The following BGN variants were observed in gnomAD, a reference collection of about 807,000 sequenced individuals.
BGN encodes the protein bone/cartilage proteoglycan-I.
Under a neutral mutation model 20.0 loss-of-function variants are expected in BGN, and 6 were observed. The ratio of observed to expected loss-of-function variants is 0.30; its 90% confidence interval spans 0.16 to 0.59. The LOEUF (loss-of-function observed/expected upper bound fraction) is 0.59. BGN is among the 20% of genes least tolerant of loss of function. BGN has a pLI of 0.88. For synonymous variants in BGN, 146 were observed against 134.6 expected (o/e 1.08, Z -0.59); for missense variants, 292 against 312.1 (o/e 0.94, Z 0.49).
chrX:153,500,276 C>T (rs371298584), intron 1 of BGN, among the ~76,000 whole-genome samples: 9 of 113,051 alleles, frequency 8.0e-5, no homozygotes, highest in African/African-American at 2.9e-4. Context: ...CCTCCTCCCT[C>T]ACTCACACCT....
chrX:153,503,294 C>T (rs951500276), intron 1 of BGN, among the ~76,000 whole-genome samples: 4 of 112,304 alleles, frequency 3.6e-5, no homozygotes, highest in Non-Finnish European at 7.5e-5. Flanking sequence ...GCTTAGGGGG[C>T]TCACCTCGCT....
In BGN at chrX:153,508,508, G is replaced by C. The variant is rs1309295802; in HGVS notation, c.*63G>C. The C allele has an allele frequency of 1.1e-5, 13 of 1,136,543 alleles. No homozygotes were observed. The highest frequency in any genetic ancestry group is 1.4e-5 in the Non-Finnish European group (12 of 840,923). 93.7% of individuals were successfully genotyped at this position (1,136,543 alleles called of 1,213,427 possible). A position where few individuals can be genotyped will look rare whatever the true frequency, so the allele number is the denominator to read the frequency against. ...TCTGGGGAACACAGCCAGACATCCT[G>C]ATGGGGAGGCAGAGCCAGGAAGCTA... On this transcript the variant is annotated 3_prime_UTR_variant, in exon 8 of 8. Transcript: ENST00000331595.
At position 153,505,228 on chromosome X, in the gene BGN, G is replaced by T. The variant is rs2089790886; in HGVS notation, c.239-10G>T. ...CAAGTTCATGCTGGTGATGGGGGTG[G>T]GGCCCCTAGGTCTGAAGTCTGTGCC... On this transcript the variant is annotated splice_polypyrimidine_tract_variant and intron_variant, in intron 2 of 7. Transcript: ENST00000331595. 1 of 1,187,315 alleles carries T rather than the reference G, an allele frequency of 8.4e-7. No individual in the cohort carries two copies.
intron 1 of BGN, 122 bp downstream of exon 1, chrX:153,495,235 C>T (rs2089702614): frequency 9.0e-6 from 1 of 111,635 alleles, no homozygotes. Context: ...CAGATTTCCC[C>T]GGTGCTCTCT....
intron 3 of BGN, 57 bp downstream of exon 3, chrX:153,505,407 T>C (rs782738522): frequency 1.1e-5 from 11 of 998,691 alleles, no homozygotes; most frequent in African/African-American, 1.9e-5. Flanking sequence ...TCCGGGTGGG[T>C]GCATGTGCGT....
rs1556993003 is a variant in BGN, at chrX:153,505,927, A to T, written c.416A>T (p.Lys139Met). The T allele has an allele frequency of 3.3e-6, 4 of 1,211,822 alleles. No individual in the cohort carries two copies. Among genetic ancestry groups the T allele is most frequent in the Non-Finnish European group, 4.5e-6 (4 of 895,474 alleles). ...GAGAAGGCCTTCAGCCCACTGCGGA[A>T]GCTGCAGAAGCTCTACATCTCCAAG... ...IHEKAFSPLR[K>M]LQKLYISKNH... The change falls in exon 4 of 8, where the codon AAG (lysine) becomes ATG (methionine). Residue 139 changes from lysine to methionine, a missense_variant. By Grantham distance (95) the Lys-to-Met change is moderately conservative. Coordinates refer to ENST00000331595, the MANE Select transcript of BGN (RefSeq NM_001711.6).
intron 1 of BGN, among the ~76,000 whole-genome samples, chrX:153,502,571 G>A (rs2089768127): frequency 1.8e-5 from 2 of 113,008 alleles, no homozygotes; most frequent in South Asian, 7.2e-4. Context: ...ATCCAGGTAG[G>A]TGAGTGTTGA....
In BGN at chrX:153,504,790, C is replaced by A. The variant is rs200429195; in HGVS notation, c.159C>A (p.Asp53Glu). 2 of 1,211,769 alleles carry A rather than the reference C, an allele frequency of 1.7e-6. No individual in the cohort carries two copies. Among genetic ancestry groups the A allele is most frequent in the Non-Finnish European group, 2.2e-6 (2 of 895,600 alleles). The part of the protein sequence containing the change: ...GADTSGVLDP[D>E]SVTPTYSAMC... ...ACACCTCGGGCGTCCTGGACCCGGACTCTGTCACACCCACCTACAGCGCCA... is the reference window on the plus strand; with the variant it reads ...ACACCTCGGGCGTCCTGGACCCGGAATCTGTCACACCCACCTACAGCGCCA... The change falls in exon 2 of 8, where the codon GAC becomes GAA. Residue 53 changes from aspartate to glutamate, a missense_variant. Coordinates refer to ENST00000331595, the MANE Select transcript of BGN (RefSeq NM_001711.6).
intron 3 of BGN, 43 bp from the exon 4 acceptor site, chrX:153,505,820 T>C: frequency 1.2e-6 from 1 of 850,398 alleles, no homozygotes; most frequent in Non-Finnish European, 1.5e-6. Flanking sequence ...GCGGGTGGGG[T>C]GGGGAGTCTG....
intron 1 of BGN, chrX:153,495,602 G>A (rs1181510316): frequency 2.3e-5 from 2 of 85,510 alleles, no homozygotes; most frequent in Non-Finnish European, 4.9e-5. Flanking sequence ...GATCGGGGAG[G>A]ACCGCCCAGC....
Position 153,506,516 on chromosome X carries a change from G to A in BGN, c.566-13G>A. The A allele has an allele frequency of 8.3e-7, 1 of 1,204,317 alleles. No homozygotes were observed. Among genetic ancestry groups the A allele is most frequent in the Non-Finnish European group, 1.1e-6 (1 of 889,924 alleles). On this transcript the variant is annotated splice_polypyrimidine_tract_variant and intron_variant, in intron 4 of 7. Coordinates refer to ENST00000331595, the MANE Select transcript of BGN (RefSeq NM_001711.6). ...ACCACCAGGCTCCCGGGCTAATGAG[G>A]TCTCTCCCCTAGAGATGGGCGGGAA...
In BGN at chrX:153,505,978, A is replaced by G. The variant is rs782154642; in HGVS notation, c.467A>G (p.Asn156Ser). 3 of 1,211,459 alleles carry G rather than the reference A, an allele frequency of 2.5e-6. No individual in the cohort carries two copies. Among genetic ancestry groups the G allele is most frequent in the South Asian group, 3.5e-5 (2 of 56,971 alleles). ...SKNHLVEIPP[N>S]LPSSLVELRI... is the part of the protein sequence containing the mutation. ...AACCACCTGGTGGAGATCCCGCCCA[A>G]CCTACCCAGCTCCCTGGTGGAGCTC... is the stretch of plus-strand genomic sequence containing the variant. Residue 156 changes from asparagine (N) to serine (S), a missense_variant, in exon 4 of 8, where the codon AAC (asparagine) becomes AGC (serine). Coordinates refer to ENST00000331595, the MANE Select transcript of BGN (RefSeq NM_001711.6).
intron 1 of BGN, among the ~76,000 whole-genome samples, chrX:153,504,365 C>T (rs1196291479): frequency 2.7e-5 from 3 of 112,189 alleles, no homozygotes; most frequent in Non-Finnish European, 5.6e-5. Context: ...AAGTCCTGTC[C>T]GGGATGGGGA....
chrX:153,497,127 G>T (rs2089723342), intron 1 of BGN, among the ~76,000 whole-genome samples: 1 of 101,155 alleles, frequency 9.9e-6, no homozygotes, highest in South Asian at 5.0e-4. Context: ...ACCCCTGCTT[G>T]TCGGAAATGT....
At chrX:153,501,780 T>C (rs902612349) in intron 1 of BGN, among the ~76,000 whole-genome samples, 2 of 112,369 alleles carry the variant, frequency 1.8e-5, no homozygotes, top group Non-Finnish European at 3.8e-5. Context: ...CAGCCAAACC[T>C]TGTCCTTCTG....
Position 153,507,112 on chromosome X carries a change from T to A in BGN, c.836T>A (p.Leu279His). 2 of 1,205,966 alleles carry A rather than the reference T, an allele frequency of 1.7e-6. No homozygotes were observed. Among genetic ancestry groups the A allele is most frequent in the Non-Finnish European group, 2.2e-6 (2 of 892,665 alleles). ...GGGAGCCTGAGCTTCCTGCCCACCC[T>A]CCGGGAGCTCCACTTGGACAACAAC... ...ENGSLSFLPT[L>H]RELHLDNNKL... is the part of the protein sequence containing the mutation. The change falls in exon 7 of 8, where the codon CTC (leucine) becomes CAC (histidine). Residue 279 changes from leucine to histidine, a missense_variant. Transcript: ENST00000331595.
intron 1 of BGN, among the ~76,000 whole-genome samples, chrX:153,500,746 C>T (rs781879135): frequency 4.9e-5 from 5 of 103,078 alleles, no homozygotes; most frequent in African/African-American, 1.4e-4. Context: ...TGTGTGTGTA[C>T]GTGTGTATAA....
chrX:153,505,790 C>T, intron 3 of BGN, 73 bp from the exon 4 acceptor site: 1 of 919,953 alleles, frequency 1.1e-6, no homozygotes, highest in East Asian at 3.6e-5. Flanking sequence ...TGGGGAGGCA[C>T]AGGAAGGCAG....
At chrX:153,500,628 C>T (rs782161998) in intron 1 of BGN, among the ~76,000 whole-genome samples, 13 of 112,413 alleles carry the variant, frequency 1.2e-4, no homozygotes, top group African/African-American at 3.2e-4. Context: ...TGTGTGTATG[C>T]ATGTGTGTAT....
Sources: gnomAD v4.1 joint callset for allele counts (sites outside exome capture counted in the v4.1 genomes callset) on GRCh38, gnomAD v4.1.1 for gene constraint, MANE v1.5 for transcripts, NCBI Gene and HGNC (gene_info 2026-07-23, HGNC 2026-07-21) for gene names.